The following CTIF variants were observed in gnomAD, a reference collection of about 807,000 sequenced individuals.
CTIF encodes CBP80/20-dependent translation initiation factor.
CTIF carries 21 observed loss-of-function variants against 66.0 expected under a neutral mutation model. The observed-to-expected ratio is 0.32, with a 90% CI of 0.23 to 0.46. CTIF has a LOEUF of 0.46. Ranked by LOEUF, CTIF falls within the 20% of genes least tolerant of loss-of-function variation. The pLI, the probability that CTIF is intolerant of heterozygous loss-of-function variation, is 1.00. For synonymous variants in CTIF, 345 were observed against 326.4 expected (o/e 1.06, Z -0.62); for missense variants, 739 against 812.7 (o/e 0.91, Z 1.10).
At chr18:48,705,918 C>T (rs977216703) in intron 6 of CTIF, among the ~76,000 whole-genome samples, 1 of 152,250 alleles carries the variant, frequency 6.6e-6, no homozygotes, top group Non-Finnish European at 1.5e-5. Context: ...TCGCACATGG[C>T]ACATATCAGC....
chr18:48,734,088 T>C (rs1015312712), intron 7 of CTIF, among the ~76,000 whole-genome samples: 2 of 152,258 alleles, frequency 1.3e-5, no homozygotes, highest in African/African-American at 4.8e-5. Context: ...GCCTGCCCTG[T>C]GAGCCGTGGC....
intron 1 of CTIF, among the ~76,000 whole-genome samples, chr18:48,602,221 T>A (rs1295616489): frequency 6.6e-6 from 1 of 152,252 alleles, no homozygotes; most frequent in East Asian, 1.9e-4. Flanking sequence ...CATCATGATT[T>A]ATTAGCAGAA....
intron 6 of CTIF, among the ~76,000 whole-genome samples, chr18:48,690,904 T>G (rs2091915970): frequency 6.6e-6 from 1 of 152,012 alleles, no homozygotes; most frequent in Non-Finnish European, 1.5e-5. Flanking sequence ...TTGAAAACAG[T>G]GAGGTGCCAG....
At chr18:48,754,308 A>G (rs1044310691) in intron 7 of CTIF, among the ~76,000 whole-genome samples, 6 of 152,216 alleles carry the variant, frequency 3.9e-5, no homozygotes, top group Admixed American at 2.6e-4. Context: ...ATTAGTTGAC[A>G]GGCTTAGCTC....
At chr18:48,586,677 T>C (rs2089776423) in intron 1 of CTIF, among the ~76,000 whole-genome samples, 1 of 152,268 alleles carries the variant, frequency 6.6e-6, no homozygotes, top group Admixed American at 6.5e-5. Flanking sequence ...TTGCTTCCTT[T>C]ATAAATTTGC....
intron 1 of CTIF, among the ~76,000 whole-genome samples, chr18:48,564,423 TGAA>T (rs1315952312): frequency 6.6e-6 from 1 of 152,152 alleles, no homozygotes; most frequent in Non-Finnish European, 1.5e-5. Context: ...TAGGCCTCTG[TGAA>T]GGTCCCCAAA....
At chr18:48,800,980 A>T (rs895908098) in intron 9 of CTIF, among the ~76,000 whole-genome samples, 5 of 152,218 alleles carry the variant, frequency 3.3e-5, no homozygotes, top group African/African-American at 1.2e-4. Context: ...TGCCCACTCA[A>T]CTGCCCTTCA....
At chr18:48,659,725 G>A (rs1434211458) in intron 3 of CTIF, among the ~76,000 whole-genome samples, 1 of 152,208 alleles carries the variant, frequency 6.6e-6, no homozygotes, top group Non-Finnish European at 1.5e-5. Context: ...TGGGCTTGGG[G>A]CAGAGACCTG....
chr18:48,826,703 G>A (rs998700872), intron 10 of CTIF: 2 of 152,218 alleles, frequency 1.3e-5, no homozygotes, highest in South Asian at 2.1e-4. Flanking sequence ...ATGGAACCCC[G>A]GCTGCATGTT....
chr18:48,791,708 T>G (rs980991310), intron 9 of CTIF, among the ~76,000 whole-genome samples: 2 of 152,204 alleles, frequency 1.3e-5, no homozygotes, highest in Non-Finnish European at 2.9e-5. Flanking sequence ...TCCATGCCTC[T>G]CTAGTGAGTG....
rs771812995 is a variant in CTIF at position 48,823,976 on chromosome 18, C to CCACACACACCCA, written c.1527+6609_1527+6610insCCACACACACAC. ...TTATATATAGAAAATCCTAAAGACT[C>CCACACACACCCA]CACACACACACACACACACACACAC... On this transcript the variant is annotated intron_variant, in intron 10 of 11. Coordinates refer to ENST00000256413, the MANE Select transcript of CTIF (RefSeq NM_014772.3). Among the ~76,000 whole-genome samples the CCACACACACCCA allele has an allele frequency of 5.6e-5, 7 of 124,218 alleles. No individual in the cohort carries two copies. The East Asian group carries it at 1.7e-3, about 31-fold the overall frequency. 81.5% of individuals were successfully genotyped at this position (124,218 alleles called of 152,430 possible).
rs375676450 is a variant in CTIF, at chr18:48,841,770, C to T, written c.1528-15818C>T. Among the ~76,000 whole-genome samples, 10 of 152,124 alleles carry T rather than the reference C, an allele frequency of 6.6e-5. No individual in the cohort carries two copies. The East Asian group carries it at 1.6e-3, about 24-fold the overall frequency. On this transcript the variant is annotated intron_variant, in intron 10 of 11. Transcript: ENST00000256413. ...TCAGCCGGTGTTATCCCAGGGGTCC[C>T]GCACCTGGCTGATAAGGCCAGGCGG...
chr18:48,821,791 A>AT (rs1435045314), intron 10 of CTIF, among the ~76,000 whole-genome samples: 1 of 152,224 alleles, frequency 6.6e-6, no homozygotes, highest in South Asian at 2.1e-4. Context: ...GCTCCTTTTT[A>AT]TTTTTTAAAT....
chr18:48,719,674 C>A (rs905878473), intron 7 of CTIF, among the ~76,000 whole-genome samples: 1 of 152,214 alleles, frequency 6.6e-6, no homozygotes, highest in African/African-American at 2.4e-5. Context: ...AAGTAACACT[C>A]TGCCTCCTTG....
At chr18:48,571,734 C>T (rs945154408) in intron 1 of CTIF, among the ~76,000 whole-genome samples, 1 of 152,126 alleles carries the variant, frequency 6.6e-6, no homozygotes. Context: ...GGTTCCCAGT[C>T]TTTTGCTTGG....
At chr18:48,724,239 A>C (rs370590523) in intron 7 of CTIF, among the ~76,000 whole-genome samples, 2 of 152,222 alleles carry the variant, frequency 1.3e-5, no homozygotes, top group South Asian at 4.2e-4. Flanking sequence ...CTCACCAACA[A>C]CTTGTGGGAT....
At chr18:48,765,585 C>T (rs1360138247) in intron 9 of CTIF, among the ~76,000 whole-genome samples, 6 of 152,242 alleles carry the variant, frequency 3.9e-5, no homozygotes, top group Admixed American at 2.0e-4. Context: ...AAACATTCTG[C>T]AGCAGAGGTC....
At chr18:48,678,857 G>A (rs1454290170) in intron 6 of CTIF, among the ~76,000 whole-genome samples, 1 of 152,180 alleles carries the variant, frequency 6.6e-6, no homozygotes, top group African/African-American at 2.4e-5. Context: ...CCAGGCCACG[G>A]CTAGGATTTT....
intron 9 of CTIF, among the ~76,000 whole-genome samples, chr18:48,801,386 C>T (rs978456338): frequency 2.0e-5 from 3 of 152,228 alleles, no homozygotes; most frequent in African/African-American, 4.8e-5. Flanking sequence ...TGGCTCCCTC[C>T]GCCTCCGGCT....
Sources: gnomAD v4.1 joint callset for allele counts (sites outside exome capture counted in the v4.1 genomes callset) on GRCh38, gnomAD v4.1.1 for gene constraint, MANE v1.5 for transcripts, NCBI Gene and HGNC (gene_info 2026-07-23, HGNC 2026-07-21) for gene names.